PDE5A: variants seen among roughly 807,000 people sequenced by gnomAD.
PDE5A encodes the protein phosphodiesterase 5A.
Under a neutral mutation model 110.2 loss-of-function variants are expected in PDE5A, and 67 were observed. That is an observed-to-expected ratio of 0.61 (90% CI 0.50 to 0.75). The LOEUF (loss-of-function observed/expected upper bound fraction) is 0.75. Ranked by LOEUF, PDE5A falls within the 30% of genes least tolerant of loss-of-function variation. The probability of loss-of-function intolerance (pLI) is 0.00; values close to 1 mark genes in which losing one functional copy is unlikely to be tolerated. For synonymous variants in PDE5A, 328 were observed against 351.2 expected, an observed-to-expected ratio of 0.93 and a Z score of 0.74; for missense variants, 862 against 1,045.1, an observed-to-expected ratio of 0.82 and a Z score of 2.42.
intron 15 of PDE5A, among the ~76,000 whole-genome samples, chr4:119,510,314 A>C (rs10008791): frequency 0.26 from 39,883 of 151,944 alleles, 5,360 homozygotes; most frequent in East Asian, 0.38. Context: ...GAATTAGCCC[A>C]ACTGAGTAAA....
chr4:119,608,641 C>T (rs982032968), intron 1 of PDE5A, among the ~76,000 whole-genome samples: 19 of 152,148 alleles, frequency 1.2e-4, no homozygotes, highest in Non-Finnish European at 1.8e-4. Context: ...TAAGACATGA[C>T]GCTTTAGAAA....
intron 3 of PDE5A, among the ~76,000 whole-genome samples, chr4:119,593,601 T>C (rs2389865): frequency 0.98 from 148,785 of 152,324 alleles, 72,761 homozygotes; most frequent in East Asian, 1. Flanking sequence ...AGATCAACTA[T>C]GAAGGGGTAC....
chr4:119,622,943 T>G (rs909294749), intron 1 of PDE5A, among the ~76,000 whole-genome samples: 2 of 151,322 alleles, frequency 1.3e-5, no homozygotes, highest in African/African-American at 4.9e-5. Flanking sequence ...CTTATAAACT[T>G]AACACTCAGT....
rs540099623 is a variant in PDE5A at position 119,613,723 on chromosome 4, A to C, written c.153-6426T>G. The stretch of plus-strand genomic sequence containing the variant: ...ATTTTCCTTTCCCTTTATTAATTCT[A>C]GGGGGTTTTGAAAAATATTCACATT... On this transcript the variant is annotated intron_variant, in intron 1 of 20. Coordinates refer to ENST00000354960, the MANE Select transcript of PDE5A (RefSeq NM_001083.4). Among the ~76,000 whole-genome samples the C allele has an allele frequency of 4.9e-3, 265 of 53,582 alleles. 1 individual carries two copies. Among genetic ancestry groups the C allele is most frequent in the Admixed American group, 0.013 (51 of 3,886 alleles). 35.2% of individuals were successfully genotyped at this position (53,582 alleles called of 152,430 possible).
chr4:119,562,976 C>A lies in PDE5A; in HGVS notation c.994-6G>T. 1.3e-6 allele frequency: 2 copies of A among 1,552,832 alleles called. No individual in the cohort carries two copies. Among genetic ancestry groups the A allele is most frequent in the East Asian group, 2.3e-5 (1 of 42,980 alleles). On this transcript the variant is annotated splice_region_variant and splice_polypyrimidine_tract_variant and intron_variant, in intron 5 of 20. Transcript: ENST00000354960. ...CTAGCAAGGTCAAGCAGCACCTAGA[C>A]AAAAAAATTAGGAGCTCATTATTTA...
rs549246330 is a variant in PDE5A at position 119,495,216 on chromosome 4, A to G, written c.*3385T>C. ...CATTAAATTGGCAGTATCAGAAGCT[A>G]AGTCTCTTCTCTAGCACCTCCTTCA... On this transcript the variant is annotated 3_prime_UTR_variant, in exon 21 of 21. Coordinates refer to ENST00000354960, the MANE Select transcript of PDE5A (RefSeq NM_001083.4). 3 of 152,226 alleles carry G rather than the reference A, an allele frequency of 2.0e-5. No homozygotes were observed. Among genetic ancestry groups the G allele is most frequent in the Admixed American group, 2.0e-4 (3 of 15,272 alleles). The allele number at this position is 152,226 out of a possible 1,614,324, so 9.4% of individuals were successfully genotyped here.
At chr4:119,580,454 G>T (rs566903439) in intron 3 of PDE5A, among the ~76,000 whole-genome samples, 1 of 152,248 alleles carries the variant, frequency 6.6e-6, no homozygotes, top group East Asian at 1.9e-4. Context: ...TCTTTCCCAT[G>T]GCAGGGTACA....
chr4:119,508,979 G>A (rs1725650462), intron 15 of PDE5A, among the ~76,000 whole-genome samples: 1 of 151,850 alleles, frequency 6.6e-6, no homozygotes, highest in South Asian at 2.1e-4. Context: ...TGTAAAATAT[G>A]CTTTTAAAAA....
intron 3 of PDE5A, 87 bp from the exon 4 acceptor site, chr4:119,567,231 C>T (rs1727974112): frequency 1.0e-6 from 1 of 953,298 alleles, no homozygotes; most frequent in Admixed American, 1.9e-5. Flanking sequence ...AGAAGATATC[C>T]TGCATGTGCT....
intron 1 of PDE5A, among the ~76,000 whole-genome samples, chr4:119,610,262 C>T (rs2110553029): frequency 6.6e-6 from 1 of 152,238 alleles, no homozygotes; most frequent in Non-Finnish European, 1.5e-5. Context: ...GCCAAAGACA[C>T]TGATGCTAAA....
intron 15 of PDE5A, among the ~76,000 whole-genome samples, chr4:119,509,816 G>C (rs1017767354): frequency 1.3e-5 from 2 of 152,018 alleles, no homozygotes; most frequent in South Asian, 2.1e-4. Context: ...AGGCGTGAGA[G>C]TGTGTTCCCC....
At position 119,496,508 on chromosome 4, in the gene PDE5A, A is replaced by T; in HGVS notation, c.*2093T>A. On this transcript the variant is annotated 3_prime_UTR_variant, in exon 21 of 21. Coordinates refer to ENST00000354960, the MANE Select transcript of PDE5A (RefSeq NM_001083.4). ...TAAATATATCTTCTTGCTTATTAAAATGACACACATACAAAGCCTCTAAAC... is the reference window on the plus strand; with the variant it reads ...TAAATATATCTTCTTGCTTATTAAATTGACACACATACAAAGCCTCTAAAC... The T allele has an allele frequency of 6.6e-6, 1 of 152,274 alleles. No homozygotes were observed. Among genetic ancestry groups the T allele is most frequent in the East Asian group, 1.9e-4 (1 of 5,196 alleles). The allele number at this position is 152,274 out of a possible 1,614,324, so 9.4% of individuals were successfully genotyped here. A position where few individuals can be genotyped will look rare whatever the true frequency, so the allele number is the denominator to read the frequency against.
intron 11 of PDE5A, among the ~76,000 whole-genome samples, chr4:119,538,599 A>G (rs1355076095): frequency 1.3e-5 from 2 of 152,212 alleles, no homozygotes; most frequent in African/African-American, 4.8e-5. Flanking sequence ...TCAATTCTTG[A>G]TAATACAGAG....
At position 119,627,255 on chromosome 4, in the gene PDE5A, G is replaced by T; in HGVS notation, c.152+1265C>A. ...TCCGTAGGGGCAACAACGCGCGCAG[G>T]TGAGGTGAGGTGAGGTCGGCGACTC... On this transcript the variant is annotated intron_variant, in intron 1 of 20. Transcript: ENST00000354960. The surrounding 1 kb of genome is among the most constrained non-coding windows in gnomAD (Gnocchi z 4.6). 6.3e-7 allele frequency: 1 copy of T among 1,581,014 alleles called. No individual in the cohort carries two copies. Among genetic ancestry groups the T allele is most frequent in the Admixed American group, 1.7e-5 (1 of 57,480 alleles).
intron 13 of PDE5A, chr4:119,519,461 G>GT (rs3214947): frequency 1.0e-3 from 166 of 165,096 alleles, no homozygotes; most frequent in African/African-American, 4.3e-3. Flanking sequence ...TTAAATAATT[G>GT]TTTTTTTCCT....
rs1198716859 is a variant in PDE5A at position 119,496,714 on chromosome 4, A to G, written c.*1887T>C. 1.3e-5 allele frequency: 2 copies of G among 152,584 alleles called. No individual in the cohort carries two copies. The highest frequency in any genetic ancestry group is 2.9e-5 in the Non-Finnish European group (2 of 68,000). 9.5% of individuals were successfully genotyped at this position (152,584 alleles called of 1,614,324 possible). On this transcript the variant is annotated 3_prime_UTR_variant, in exon 21 of 21. Transcript: ENST00000354960. ...ATACTAAGGATTTATGTATGCATGC[A>G]TAAGTATACACCTGTATGTATATAT... is the stretch of plus-strand genomic sequence containing the variant.
At chr4:119,548,884 C>T (rs563570964) in intron 9 of PDE5A, 1 of 152,210 alleles carries the variant, frequency 6.6e-6, no homozygotes, top group African/African-American at 2.4e-5. Context: ...AACCTGGATA[C>T]TTTAAGTAAT....
intron 1 of PDE5A, among the ~76,000 whole-genome samples, chr4:119,618,660 A>AT (rs1299001391): frequency 1.3e-5 from 2 of 151,648 alleles, no homozygotes; most frequent in Non-Finnish European, 2.9e-5. Flanking sequence ...TTTGGGGACT[A>AT]TTTTTTCCCA....
chr4:119,596,684 A>C lies in PDE5A; in HGVS notation c.742-72T>G. The C allele has an allele frequency of 3.4e-6, 3 of 870,166 alleles. No homozygotes were observed. The South Asian group carries it at 5.5e-5, about 16-fold the overall frequency. The allele number at this position is 870,166 out of a possible 1,614,324, so 53.9% of individuals were successfully genotyped here. A position where few individuals can be genotyped will look rare whatever the true frequency, so the allele number is the denominator to read the frequency against. ...ATTGATTTGATTTTTCTGATTTATT[A>C]GATTAGAGAAATCTAACCTTGGACT... On this transcript the variant is annotated intron_variant, in intron 2 of 20. Coordinates refer to ENST00000354960, the MANE Select transcript of PDE5A (RefSeq NM_001083.4).
Sources: gnomAD v4.1 joint callset for allele counts (sites outside exome capture counted in the v4.1 genomes callset) on GRCh38, gnomAD v4.1.1 for gene constraint, Gnocchi (gnomAD v3.1) non-coding constraint, MANE v1.5 for transcripts, NCBI Gene and HGNC (gene_info 2026-07-23, HGNC 2026-07-21) for gene names.